The following GNRH1 variants were observed in gnomAD, a reference collection of about 807,000 sequenced individuals.
GNRH1 encodes the protein progonadoliberin-1.
A neutral mutation model predicts 13.6 loss-of-function variants in GNRH1; 9 were observed. The observed-to-expected ratio is 0.66, with a 90% confidence interval of 0.40 to 1.15. The LOEUF (loss-of-function observed/expected upper bound fraction) is 1.15, where lower values mean the gene tolerates loss of function less well. Among genes scored for constraint, GNRH1 ranks in the 50% most tolerant of loss-of-function variants. The probability of loss-of-function intolerance (pLI) is 0.01; values close to 1 mark genes in which losing one functional copy is unlikely to be tolerated. For missense variants in GNRH1, 116 were observed against 110.8 expected (o/e 1.05, Z -0.21); for synonymous variants, 44 against 40.1 (o/e 1.10, Z -0.37).
Position 25,422,804 on chromosome 8 carries a change from T to C in GNRH1, c.141+386A>G, listed in dbSNP as rs138544265. ...ATAAAAATGTACTGATCTAATAGCA[T>C]AGATATGTTTAAAAGATGAAATGAG... On this transcript the variant is annotated intron_variant, in intron 2 of 3. Coordinates refer to ENST00000421054, the MANE Select transcript of GNRH1 (RefSeq NM_001083111.2). Among the ~76,000 whole-genome samples the C allele has an allele frequency of 2.4e-3, 359 of 152,196 alleles. 2 individuals are homozygous for C. Among genetic ancestry groups the C allele is most frequent in the South Asian group, 0.023 (111 of 4,816 alleles).
chr8:25,419,441 T>C lies in GNRH1; in HGVS notation c.257A>G (p.Glu86Gly). Residue 86 changes from glutamate (E) to glycine (G), a missense_variant, in exon 4 of 4, where the codon GAA (glutamate) becomes GGA (glycine). Glu to Gly is a moderately conservative substitution (Grantham distance 98). Coordinates refer to ENST00000421054, the MANE Select transcript of GNRH1 (RefSeq NM_001083111.2). ...GATTTAAATCTTCTTCTGCCCAGTT[T>C]CCTCTTCAATCAGACTTTCCTGAAA... is the stretch of plus-strand genomic sequence containing the variant. ...KGALESLIEE[E>G]TGQKKI The C allele has an allele frequency of 6.7e-7, 1 of 1,481,556 alleles. No homozygotes were observed. The highest frequency in any genetic ancestry group is 9.4e-7 in the Non-Finnish European group (1 of 1,059,270). The allele number at this position is 1,481,556 out of a possible 1,614,324, so 91.8% of individuals were successfully genotyped here.
chr8:25,420,898 A>G (rs1304195228), intron 3 of GNRH1, among the ~76,000 whole-genome samples: 1 of 152,176 alleles, frequency 6.6e-6, no homozygotes, highest in Admixed American at 6.5e-5. Flanking sequence ...GTCTCAACAA[A>G]TAATTTTTTT....
At chr8:25,422,292 C>T (rs1041690232) in intron 2 of GNRH1, among the ~76,000 whole-genome samples, 2 of 152,076 alleles carry the variant, frequency 1.3e-5, no homozygotes, top group Non-Finnish European at 2.9e-5. Flanking sequence ...AACAAAAATC[C>T]TCCCGGCACT....
rs1223818139 is a variant in GNRH1 at position 25,422,951 on chromosome 8, C to T, written c.141+239G>A. 3.3e-5 allele frequency among the ~76,000 whole-genome samples: 5 copies of T among 152,140 alleles called. No homozygotes were observed. The East Asian group carries it at 5.8e-4, about 18-fold the overall frequency. On this transcript the variant is annotated intron_variant, in intron 2 of 3. Coordinates refer to ENST00000421054, the MANE Select transcript of GNRH1 (RefSeq NM_001083111.2). The stretch of plus-strand genomic sequence containing the variant: ...GCAATCCCATACACTCAGAGTATGA[C>T]GTGCTGTCTCACACTTGTTGCTATT...
intron 3 of GNRH1, among the ~76,000 whole-genome samples, chr8:25,421,304 C>T (rs1801768787): frequency 6.6e-6 from 1 of 152,102 alleles, no homozygotes; most frequent in Admixed American, 6.5e-5. Context: ...ATCCCAAAAG[C>T]TAGAACCAGG....
chr8:25,421,785 T>C (rs1801777530), intron 2 of GNRH1, 117 bp from the exon 3 acceptor site: 2 of 661,162 alleles, frequency 3.0e-6, no homozygotes, highest in South Asian at 1.6e-5. Flanking sequence ...CTGGGGGAGA[T>C]TGGGAAAGTT....
At chr8:25,422,877 A>T (rs1037794504) in intron 2 of GNRH1, among the ~76,000 whole-genome samples, 4 of 152,238 alleles carry the variant, frequency 2.6e-5, no homozygotes, top group Non-Finnish European at 2.9e-5. Flanking sequence ...CCAAAGAATC[A>T]TCTTCTGATA....
intron 3 of GNRH1, among the ~76,000 whole-genome samples, chr8:25,420,083 G>C (rs1801751164): frequency 6.6e-6 from 1 of 152,156 alleles, no homozygotes; most frequent in Middle Eastern, 3.2e-3. Flanking sequence ...AAATTTCACT[G>C]CTTGCCATTT....
At chr8:25,421,120 G>C (rs1247067872) in intron 3 of GNRH1, among the ~76,000 whole-genome samples, 1 of 152,062 alleles carries the variant, frequency 6.6e-6, no homozygotes. Flanking sequence ...ATCTACAGCA[G>C]TGTTTCTCAT....
Position 25,423,240 on chromosome 8 carries a change from G to A in GNRH1, c.91C>T (p.Arg31Cys). 6.2e-7 allele frequency: 1 copy of A among 1,611,664 alleles called. No individual in the cohort carries two copies. The highest frequency in any genetic ancestry group is 8.5e-7 in the Non-Finnish European group (1 of 1,177,814). ...CSSQHWSYGL[R>C]PGGKRDAENL... Reference sequence around the variant, plus strand: ...TCGGCATCTCTCTTTCCTCCAGGGCGCAGTCCATAGGACCAGTGCTGGCTG... The same window carrying A: ...TCGGCATCTCTCTTTCCTCCAGGGCACAGTCCATAGGACCAGTGCTGGCTG... Residue 31 changes from arginine to cysteine, a missense_variant, in exon 2 of 4, where the codon CGC becomes TGC. Transcript: ENST00000421054.
chr8:25,424,885 G>A (rs1801823155), upstream of GNRH1, among the ~76,000 whole-genome samples: 1 of 152,182 alleles, frequency 6.6e-6, no homozygotes, highest in South Asian at 2.1e-4. Context: ...TACCTTGAAA[G>A]CCTTCTAAAG....
chr8:25,419,884 A>G (rs1364992865), intron 3 of GNRH1, among the ~76,000 whole-genome samples: 3 of 152,072 alleles, frequency 2.0e-5, no homozygotes, highest in Non-Finnish European at 2.9e-5. Context: ...GGCTTCCCAA[A>G]ATGCTAGGAT....
intron 1 of GNRH1, chr8:25,423,550 G>A (rs1201531347): frequency 6.9e-6 from 4 of 583,426 alleles, no homozygotes; most frequent in South Asian, 4.0e-5. Context: ...AAGCTCACAT[G>A]TTCAGGACCT....
Position 25,421,473 on chromosome 8 carries a change from C to A in GNRH1, c.237+100G>T. On this transcript the variant is annotated intron_variant, in intron 3 of 3. Transcript: ENST00000421054. ...GTAACAGAGGAGTCAGGAATGTAAG[C>A]CCCACAGTATCTGGGAGGTAGCTGT... The A allele has an allele frequency of 4.5e-6, 3 of 663,358 alleles. No individual in the cohort carries two copies. In the South Asian group the frequency reaches 5.2e-5, roughly 11 times the overall value. The allele number at this position is 663,358 out of a possible 1,614,324, so 41.1% of individuals were successfully genotyped here.
chr8:25,423,189 C>T lies in GNRH1; in HGVS notation c.141+1G>A, dbSNP rs1313750993. The T allele has an allele frequency of 1.2e-6, 2 of 1,605,624 alleles. No homozygotes were observed. The highest frequency in any genetic ancestry group is 2.7e-5 in the African/African-American group (2 of 74,724). ...TTATTTTGAAGCTGAGAGAAACTTA[C>T]CTCTTGGAAAGAATCAATCAAATTT... On this transcript the variant is annotated splice_donor_variant, in intron 2 of 3. Coordinates refer to ENST00000421054, the MANE Select transcript of GNRH1 (RefSeq NM_001083111.2). LOFTEE classifies it high-confidence loss of function.
At chr8:25,423,584 CTTTTAT>C in intron 1 of GNRH1, 1 of 504,406 alleles carries the variant, frequency 2.0e-6, no homozygotes, top group Non-Finnish European at 3.6e-6. Flanking sequence ...ATAGTCTATA[CTTTTAT>C]TTTTATTGTT....
chr8:25,419,597 G>C, intron 3 of GNRH1, 137 bp from the exon 4 acceptor site: 2 of 636,618 alleles, frequency 3.1e-6, no homozygotes, highest in Non-Finnish European at 5.6e-6. Context: ...GTGCTAGGGA[G>C]ACATGATAAA....
At chr8:25,421,360 A>AAAAC (rs559577325) in intron 3 of GNRH1, among the ~76,000 whole-genome samples, 13 of 152,204 alleles carry the variant, frequency 8.5e-5, no homozygotes, top group African/African-American at 2.9e-4. Flanking sequence ...AACTTCAGAA[A>AAAAC]AAACAAACAA....
rs201586618 is a variant in GNRH1, at chr8:25,422,338, G to C, written c.142-670C>G. The stretch of plus-strand genomic sequence containing the variant: ...AAGGTGGGAGGATCCCTTGAGCCCA[G>C]GAGTTTGAGACCAGCCTGGGCAACA... On this transcript the variant is annotated intron_variant, in intron 2 of 3. Transcript: ENST00000421054. Among the ~76,000 whole-genome samples the C allele has an allele frequency of 1.2e-4, 18 of 152,190 alleles. No homozygotes were observed. In the East Asian group the frequency reaches 3.1e-3, roughly 26 times the overall value.
Sources: allele counts gnomAD v4.1 joint callset (sites outside exome capture counted in the v4.1 genomes callset), GRCh38; gene constraint gnomAD v4.1.1; transcripts MANE v1.5; gene names NCBI Gene and HGNC (gene_info 2026-07-23, HGNC 2026-07-21).